FMN1: variants seen among roughly 807,000 people sequenced by gnomAD.
FMN1 encodes formin-1.
A neutral mutation model predicts 132.4 loss-of-function variants in FMN1; 110 were observed. The observed-to-expected ratio is 0.83, with a 90% CI of 0.71 to 0.97. The LOEUF is 0.97. FMN1 is among the 50% of genes least tolerant of loss of function. The probability of loss-of-function intolerance (pLI) is 0.00; values close to 1 mark genes in which losing one functional copy is unlikely to be tolerated. For synonymous variants in FMN1, 722 were observed against 651.7 expected (o/e 1.11, Z -1.64); for missense variants, 1,792 against 1,705.3 (o/e 1.05, Z -0.90).
chr15:32,799,881 C>A (rs147505020), intron 18 of FMN1, among the ~76,000 whole-genome samples: 13 of 152,284 alleles, frequency 8.5e-5, no homozygotes, highest in Non-Finnish European at 1.9e-4. Context: ...AAATAAATGA[C>A]CCCCTTTTCT....
At chr15:33,183,381 C>T (rs1028902157) in intron 2 of FMN1, among the ~76,000 whole-genome samples, 1 of 152,116 alleles carries the variant, frequency 6.6e-6, no homozygotes, top group South Asian at 2.1e-4. Flanking sequence ...CCAGTCCTTA[C>T]GATGGACACT....
chr15:33,052,286 A>G (rs1475178328), intron 6 of FMN1, among the ~76,000 whole-genome samples: 2 of 152,216 alleles, frequency 1.3e-5, no homozygotes, highest in East Asian at 3.8e-4. Flanking sequence ...TAAAATTATC[A>G]TCAGCATGTA....
chr15:33,082,046 TGTGTGTG>T (rs1566899343), intron 5 of FMN1, among the ~76,000 whole-genome samples: 38 of 139,886 alleles, frequency 2.7e-4, no homozygotes, highest in African/African-American at 8.5e-4. Context: ...TGTGTGTGTG[TGTGTGTG>T]TAAGACGGAG....
At chr15:32,914,730 C>T (rs1419773185) in intron 10 of FMN1, among the ~76,000 whole-genome samples, 11 of 152,192 alleles carry the variant, frequency 7.2e-5, no homozygotes, top group Admixed American at 7.2e-4. Context: ...CACTACAGAG[C>T]ACTATTATAG....
chr15:32,848,826 C>T (rs2058924307), intron 17 of FMN1, among the ~76,000 whole-genome samples: 1 of 152,264 alleles, frequency 6.6e-6, no homozygotes, highest in Middle Eastern at 3.4e-3. Flanking sequence ...CTATTTTCTA[C>T]CTGCTGCAGC....
intron 17 of FMN1, among the ~76,000 whole-genome samples, chr15:32,819,041 C>A (rs2058134257): frequency 1.3e-5 from 2 of 152,082 alleles, no homozygotes; most frequent in African/African-American, 4.8e-5. Context: ...AAGCTGAAGT[C>A]ATTCCTTGTG....
At chr15:32,950,978 G>A (rs985434446) in intron 9 of FMN1, among the ~76,000 whole-genome samples, 3 of 150,126 alleles carry the variant, frequency 2.0e-5, no homozygotes, top group African/African-American at 7.3e-5. Context: ...GAGAACTTTT[G>A]CTTTTTTTTT....
chr15:33,013,958 A>G (rs1426956615), intron 6 of FMN1, among the ~76,000 whole-genome samples: 5 of 152,232 alleles, frequency 3.3e-5, no homozygotes, highest in Admixed American at 3.3e-4. Flanking sequence ...TGACTAATTC[A>G]TTAACAAACC....
chr15:32,815,357 C>G (rs1411969753), intron 17 of FMN1, among the ~76,000 whole-genome samples: 1 of 151,930 alleles, frequency 6.6e-6, no homozygotes, highest in Non-Finnish European at 1.5e-5. Flanking sequence ...AAAGAAAGCA[C>G]CTCATGTTAA....
chr15:32,965,148 A>G (rs1261373460), intron 8 of FMN1, among the ~76,000 whole-genome samples: 1 of 152,178 alleles, frequency 6.6e-6, no homozygotes, highest in Admixed American at 6.5e-5. Context: ...CTGTAATCCA[A>G]GCACTTTGGG....
At chr15:33,016,910 A>G (rs758915011) in intron 6 of FMN1, among the ~76,000 whole-genome samples, 4 of 152,184 alleles carry the variant, frequency 2.6e-5, no homozygotes, top group Non-Finnish European at 5.9e-5. Flanking sequence ...CCAGTTTTCT[A>G]CACTTTCTCT....
At chr15:32,888,117 C>A in intron 16 of FMN1, 55 bp downstream of exon 16, 1 of 1,478,304 alleles carries the variant, frequency 6.8e-7, no homozygotes, top group Non-Finnish European at 9.1e-7. Context: ...CCTCTTAAAA[C>A]ATTTTTTAAA....
At position 32,967,457 on chromosome 15, in the gene FMN1, C is replaced by T. The variant is rs949552905; in HGVS notation, c.2987+1257G>A. On this transcript the variant is annotated intron_variant, in intron 8 of 20. Transcript: ENST00000616417. ...TAATTTGAGAACACTAATACGGAAA[C>T]ATGACTCAAAATAAATATTCTGGGA... 2.0e-5 allele frequency among the ~76,000 whole-genome samples: 3 copies of T among 152,174 alleles called. No individual in the cohort carries two copies. In the South Asian group the frequency reaches 6.2e-4, roughly 31 times the overall value.
At chr15:33,030,861 T>A (rs1240869458) in intron 6 of FMN1, among the ~76,000 whole-genome samples, 1 of 152,136 alleles carries the variant, frequency 6.6e-6, no homozygotes, top group Non-Finnish European at 1.5e-5. Flanking sequence ...CTGGAACACA[T>A]GTACAGAATG....
At chr15:33,070,738 C>T (rs1265620833) in intron 5 of FMN1, among the ~76,000 whole-genome samples, 3 of 152,168 alleles carry the variant, frequency 2.0e-5, no homozygotes, top group Non-Finnish European at 4.4e-5. Context: ...AAACTTAACA[C>T]AGCTAGTAAG....
intron 9 of FMN1, among the ~76,000 whole-genome samples, chr15:32,950,040 T>C (rs796272881): frequency 0.011 from 49 of 4,466 alleles, 2 homozygotes; most frequent in South Asian, 0.077. Flanking sequence ...TATACACATA[T>C]ATATATATAT....
intron 5 of FMN1, among the ~76,000 whole-genome samples, chr15:33,071,511 G>T (rs995673304): frequency 2.6e-5 from 4 of 152,202 alleles, no homozygotes; most frequent in Admixed American, 6.5e-5. Flanking sequence ...CCACCTCCAT[G>T]AAATGTGTAG....
chr15:33,150,384 G>T, intron 4 of FMN1: 1 of 985,416 alleles, frequency 1.0e-6, no homozygotes, highest in Non-Finnish European at 1.2e-6. Flanking sequence ...CCAGGTTGGT[G>T]GTGGGAGGAG....
intron 2 of FMN1, among the ~76,000 whole-genome samples, chr15:33,191,241 T>C (rs1966069527): frequency 6.6e-6 from 1 of 151,900 alleles, no homozygotes; most frequent in Non-Finnish European, 1.5e-5. Flanking sequence ...AAGACCACAG[T>C]AAAAAAGCGT....
Sources: gnomAD v4.1 joint callset for allele counts (sites outside exome capture counted in the v4.1 genomes callset) on GRCh38, gnomAD v4.1.1 for gene constraint, MANE v1.5 for transcripts, NCBI Gene and HGNC (gene_info 2026-07-23, HGNC 2026-07-21) for gene names.